MEI4: variants seen among roughly 807,000 people sequenced by gnomAD.
The protein encoded by MEI4 is meiotic double-stranded break formation protein 4.
Under a neutral mutation model 31.4 loss-of-function variants are expected in MEI4, and 27 were observed. That is an observed-to-expected ratio of 0.86 (90% CI 0.63 to 1.19). MEI4 has a LOEUF of 1.19. Among genes scored for constraint, MEI4 ranks in the 50% most tolerant of loss-of-function variants. MEI4 has a pLI of 0.00. For synonymous variants in MEI4, 122 were observed against 145.4 expected (o/e 0.84, Z 1.16); for missense variants, 329 against 398.9 (o/e 0.82, Z 1.49).
rs59483859 is a variant in MEI4, at chr6:77,790,308, C to T, written c.768+28643C>T. Among the ~76,000 whole-genome samples the T allele has an allele frequency of 0.022, 3,325 of 150,980 alleles. 316 individuals carry two copies. In the East Asian group the frequency reaches 0.3, roughly 14 times the overall value. On this transcript the variant is annotated intron_variant, in intron 3 of 4. Transcript: ENST00000684080. ...AGGAGATATATCTAATGTTAAATGACGAGTTAATGGGTGCAGCACACCAAC... is the reference window on the plus strand; with the variant it reads ...AGGAGATATATCTAATGTTAAATGATGAGTTAATGGGTGCAGCACACCAAC...
intron 4 of MEI4, among the ~76,000 whole-genome samples, chr6:77,898,572 T>C (rs1244241698): frequency 6.6e-6 from 1 of 152,052 alleles, no homozygotes; most frequent in Non-Finnish European, 1.5e-5. Context: ...GCCTTTGTAG[T>C]AGTAAGAAAA....
At chr6:77,838,886 A>G (rs1437376794) in intron 4 of MEI4, among the ~76,000 whole-genome samples, 1 of 151,986 alleles carries the variant, frequency 6.6e-6, no homozygotes, top group Non-Finnish European at 1.5e-5. Context: ...CTGGGCGACA[A>G]GAGCGAAACT....
rs142432073 is a variant in MEI4, at chr6:77,889,599, G to A, written c.901-33490G>A. On this transcript the variant is annotated intron_variant, in intron 4 of 4. Transcript: ENST00000684080. ...AAAAGTAAAAAACACTTTCTAGGGA[G>A]AAATTCAAGCTGGCTACAGAAGTTT... 2.6e-3 allele frequency among the ~76,000 whole-genome samples: 400 copies of A among 152,338 alleles called. 2 individuals carry two copies. The highest frequency in any genetic ancestry group is 9.2e-3 in the African/African-American group (384 of 41,588).
At chr6:77,711,124 A>G (rs934034148) in intron 2 of MEI4, among the ~76,000 whole-genome samples, 3 of 150,878 alleles carry the variant, frequency 2.0e-5, no homozygotes, top group Non-Finnish European at 4.4e-5. Flanking sequence ...TTGTTCAAAG[A>G]GTCAAAGGGT....
Position 77,741,576 on chromosome 6 carries a change from A to T in MEI4, c.233-19554A>T, listed in dbSNP as rs1008276160. ...TATATGTCCACTTGATGGGTCATGA[A>T]GTATCCAGATGTTTGATCCAACATC... On this transcript the variant is annotated intron_variant, in intron 2 of 4. Coordinates refer to ENST00000684080, the MANE Select transcript of MEI4 (RefSeq NM_001322247.2). 4.6e-5 allele frequency among the ~76,000 whole-genome samples: 7 copies of T among 152,208 alleles called. No individual in the cohort carries two copies. In the East Asian group the frequency reaches 1.2e-3, roughly 25 times the overall value.
At chr6:77,706,218 G>C (rs1000003301) in intron 2 of MEI4, among the ~76,000 whole-genome samples, 7 of 152,226 alleles carry the variant, frequency 4.6e-5, no homozygotes, top group African/African-American at 1.4e-4. Flanking sequence ...TTCTGTGTAA[G>C]AGCTGACCAT....
intron 2 of MEI4, among the ~76,000 whole-genome samples, chr6:77,730,899 T>C (rs1023187691): frequency 6.6e-6 from 1 of 151,542 alleles, no homozygotes; most frequent in Non-Finnish European, 1.5e-5. Flanking sequence ...GTTCTTACGA[T>C]AGTTTACTGA....
intron 3 of MEI4, among the ~76,000 whole-genome samples, chr6:77,763,131 G>A (rs1768081814): frequency 6.6e-6 from 1 of 152,056 alleles, no homozygotes; most frequent in Non-Finnish European, 1.5e-5. Context: ...GAGTAGCCTT[G>A]GGAATTGTAT....
intron 4 of MEI4, among the ~76,000 whole-genome samples, chr6:77,842,933 A>C (rs1770399281): frequency 1.3e-5 from 2 of 152,028 alleles, no homozygotes; most frequent in South Asian, 4.1e-4. Flanking sequence ...CAAAGTTTAA[A>C]ATATCCCAAC....
chr6:77,744,593 C>T (rs1303438398), intron 2 of MEI4, among the ~76,000 whole-genome samples: 2 of 152,124 alleles, frequency 1.3e-5, no homozygotes, highest in Non-Finnish European at 2.9e-5. Context: ...GGCAGGCCAA[C>T]ATTCAGATTC....
At chr6:77,732,420 C>T (rs1263582290) in intron 2 of MEI4, among the ~76,000 whole-genome samples, 15 of 151,944 alleles carry the variant, frequency 9.9e-5, no homozygotes. Context: ...CATGATTTGG[C>T]TCTATGTTTG....
At chr6:77,766,634 G>A (rs149920537) in intron 3 of MEI4, among the ~76,000 whole-genome samples, 1 of 151,958 alleles carries the variant, frequency 6.6e-6, no homozygotes, top group Non-Finnish European at 1.5e-5. Context: ...GGATGATCTC[G>A]ATCTCCTGAC....
At position 77,925,976 on chromosome 6, in the gene MEI4, A is replaced by T. The variant is rs1766834854; in HGVS notation, c.*2630A>T. On this transcript the variant is annotated 3_prime_UTR_variant, in exon 5 of 5. Transcript: ENST00000684080. ...ATGAGAAAGGTACGATTATTTCCTG[A>T]ATCTGTATTTTAGAGATGAAGAACT... 1 of 151,768 alleles carries T rather than the reference A, an allele frequency of 6.6e-6. No individual in the cohort carries two copies. The highest frequency in any genetic ancestry group is 2.4e-5 in the African/African-American group (1 of 41,378). 9.4% of individuals were successfully genotyped at this position (151,768 alleles called of 1,614,324 possible). A position where few individuals can be genotyped will look rare whatever the true frequency, so the allele number is the denominator to read the frequency against.
intron 3 of MEI4, among the ~76,000 whole-genome samples, chr6:77,812,055 G>T (rs1383864204): frequency 6.6e-6 from 1 of 152,048 alleles, no homozygotes. Context: ...TGTTCAAAAG[G>T]AGGTTATTTA....
chr6:77,914,695 G>T (rs1042853559), intron 4 of MEI4, among the ~76,000 whole-genome samples: 1 of 152,058 alleles, frequency 6.6e-6, no homozygotes, highest in Non-Finnish European at 1.5e-5. Flanking sequence ...AACTATTAGA[G>T]TATTGTAACC....
intron 4 of MEI4, among the ~76,000 whole-genome samples, chr6:77,904,749 G>A (rs1248418270): frequency 6.6e-6 from 1 of 151,994 alleles, no homozygotes; most frequent in African/African-American, 2.4e-5. Flanking sequence ...CTTTGCTATT[G>A]TAAATCCAAT....
chr6:77,893,035 G>C (rs1473157421), intron 4 of MEI4, among the ~76,000 whole-genome samples: 2 of 152,136 alleles, frequency 1.3e-5, no homozygotes, highest in African/African-American at 4.8e-5. Flanking sequence ...TCCCACAATG[G>C]AGAGTGCCTC....
chr6:77,678,649 A>T (rs1768893149), intron 1 of MEI4, among the ~76,000 whole-genome samples: 1 of 151,880 alleles, frequency 6.6e-6, no homozygotes, highest in Non-Finnish European at 1.5e-5. Flanking sequence ...TTGATAATGA[A>T]TAAATATGTT....
At chr6:77,850,466 C>T (rs900147525) in intron 4 of MEI4, among the ~76,000 whole-genome samples, 1 of 152,056 alleles carries the variant, frequency 6.6e-6, no homozygotes, top group Non-Finnish European at 1.5e-5. Flanking sequence ...GAACAGAGCC[C>T]TCAGAAATAA....
Sources: gnomAD v4.1 joint callset for allele counts (sites outside exome capture counted in the v4.1 genomes callset) on GRCh38, gnomAD v4.1.1 for gene constraint, MANE v1.5 for transcripts, NCBI Gene and HGNC (gene_info 2026-07-23, HGNC 2026-07-21) for gene names.